PPP2R2B: variants seen among roughly 807,000 people sequenced by gnomAD.
PPP2R2B encodes protein phosphatase 2 regulatory subunit Bbeta.
Under a neutral mutation model 46.0 loss-of-function variants are expected in PPP2R2B, and 5 were observed. The ratio of observed to expected loss-of-function variants is 0.11; its 90% CI spans 0.06 to 0.23. PPP2R2B has a LOEUF of 0.23. Ranked by LOEUF, PPP2R2B falls within the 10% of genes least tolerant of loss-of-function variation. The pLI, the probability that PPP2R2B is intolerant of heterozygous loss-of-function variation, is 1.00. For missense variants in PPP2R2B, 367 were observed against 575.0 expected (o/e 0.64, Z 3.70); for synonymous variants, 215 against 206.7 (o/e 1.04, Z -0.34).
chr5:146,987,237 T>G (rs1753473055), intron 1 of PPP2R2B, among the ~76,000 whole-genome samples: 1 of 152,222 alleles, frequency 6.6e-6, no homozygotes, highest in South Asian at 2.1e-4. Flanking sequence ...CAGACCTGAC[T>G]TATAATAAAT....
chr5:147,063,702 G>C (rs1580874824), intron 2 of PPP2R2B, among the ~76,000 whole-genome samples: 1 of 152,236 alleles, frequency 6.6e-6, no homozygotes, highest in Admixed American at 6.5e-5. Context: ...TATTTTAAAA[G>C]GATTGCTGTG....
chr5:146,965,049 A>T (rs1752342171), intron 1 of PPP2R2B, among the ~76,000 whole-genome samples: 2 of 152,094 alleles, frequency 1.3e-5, no homozygotes, highest in Admixed American at 6.6e-5. Context: ...TACACACCAG[A>T]ACATCATGAC....
chr5:146,702,290 A>G (rs1277566968), intron 2 of PPP2R2B, among the ~76,000 whole-genome samples: 1 of 152,202 alleles, frequency 6.6e-6, no homozygotes, highest in Non-Finnish European at 1.5e-5. Context: ...CACTTCACAT[A>G]TAACTGTTCT....
At position 146,588,024 on chromosome 5, in the gene PPP2R2B, T is replaced by G. The variant is rs1770255017; in HGVS notation, c.*1923A>C. ...AACCCAGTGGCCTTCTGCAAAATCA[T>G]CACTCTCTATGACTGGCAGAAGTTT... On this transcript the variant is annotated 3_prime_UTR_variant, in exon 10 of 10. Transcript: ENST00000394411. 1 of 152,176 alleles carries G rather than the reference T, an allele frequency of 6.6e-6. No individual in the cohort carries two copies. The highest frequency in any genetic ancestry group is 2.4e-5 in the African/African-American group (1 of 41,448). 9.4% of individuals were successfully genotyped at this position (152,176 alleles called of 1,614,324 possible).
intron 2 of PPP2R2B, among the ~76,000 whole-genome samples, chr5:146,735,429 T>C (rs1752479120): frequency 6.6e-6 from 1 of 151,330 alleles, no homozygotes; most frequent in Non-Finnish European, 1.5e-5. Flanking sequence ...ACTGACCAGA[T>C]ATGAGTCCAA....
intron 1 of PPP2R2B, among the ~76,000 whole-genome samples, chr5:146,887,559 G>A (rs961094038): frequency 6.6e-6 from 1 of 152,034 alleles, no homozygotes; most frequent in Non-Finnish European, 1.5e-5. Flanking sequence ...CCTAAAACTA[G>A]TAAGCTGAAT....
chr5:147,053,834 G>A (rs1756946499), intron 1 of PPP2R2B, among the ~76,000 whole-genome samples: 1 of 152,172 alleles, frequency 6.6e-6, no homozygotes, highest in South Asian at 2.1e-4. Flanking sequence ...ATAAAACTGG[G>A]CATAGAGCAA....
intron 1 of PPP2R2B, among the ~76,000 whole-genome samples, chr5:146,906,583 A>T (rs1763006085): frequency 6.6e-6 from 1 of 152,172 alleles, no homozygotes; most frequent in Non-Finnish European, 1.5e-5. Context: ...CGGCCTCCCA[A>T]AGTGCTGGGA....
At chr5:146,619,619 A>G (rs74705683) in intron 7 of PPP2R2B, among the ~76,000 whole-genome samples, 3,188 of 152,332 alleles carry the variant, frequency 0.021, 50 homozygotes, top group Admixed American at 0.064. Flanking sequence ...GTTAGCAACT[A>G]ACTAAAGAAA....
chr5:146,670,780 C>A (rs933457329), intron 5 of PPP2R2B, among the ~76,000 whole-genome samples: 2 of 152,070 alleles, frequency 1.3e-5, no homozygotes, highest in African/African-American at 4.8e-5. Flanking sequence ...TAGGCATGAG[C>A]CACTGCACCC....
At chr5:146,824,380 G>T (rs1194924811) in intron 2 of PPP2R2B, among the ~76,000 whole-genome samples, 16 of 152,112 alleles carry the variant, frequency 1.1e-4, no homozygotes, top group Non-Finnish European at 2.2e-4. Context: ...GGCCAATAAG[G>T]GCAGATACTG....
chr5:146,808,483 A>G (rs1293441520), intron 2 of PPP2R2B, among the ~76,000 whole-genome samples: 3 of 152,190 alleles, frequency 2.0e-5, no homozygotes, highest in Non-Finnish European at 4.4e-5. Flanking sequence ...ACATTTAGAA[A>G]AGATACCTCA....
chr5:146,870,923 A>T (rs777154883), intron 2 of PPP2R2B, among the ~76,000 whole-genome samples: 4 of 152,264 alleles, frequency 2.6e-5, no homozygotes, highest in Non-Finnish European at 4.4e-5. Flanking sequence ...AAAGAAAGCT[A>T]TGAACATTAA....
At chr5:146,655,268 A>G (rs1776248610) in intron 5 of PPP2R2B, among the ~76,000 whole-genome samples, 1 of 152,206 alleles carries the variant, frequency 6.6e-6, no homozygotes, top group South Asian at 2.1e-4. Context: ...GCCCCAAAAG[A>G]GCAGCCTGAA....
intron 2 of PPP2R2B, among the ~76,000 whole-genome samples, chr5:146,818,749 T>C (rs1215887681): frequency 6.6e-6 from 1 of 152,212 alleles, no homozygotes; most frequent in Non-Finnish European, 1.5e-5. Context: ...GGATTTGACA[T>C]TAACAGGTTA....
intron 2 of PPP2R2B, among the ~76,000 whole-genome samples, chr5:146,705,461 A>T (rs908389538): frequency 3.3e-5 from 5 of 151,774 alleles, no homozygotes; most frequent in African/African-American, 9.7e-5. Flanking sequence ...GTGGTGGGGG[A>T]GGTAGGATGT....
At chr5:146,882,932 C>T (rs1439462092), upstream of PPP2R2B, among the ~76,000 whole-genome samples, 5 of 152,174 alleles carry the variant, frequency 3.3e-5, no homozygotes, top group South Asian at 2.1e-4. Context: ...TGGATACATT[C>T]GTTTTTTTAA....
chr5:146,792,843 T>G (rs1468622172), intron 2 of PPP2R2B, among the ~76,000 whole-genome samples: 1 of 152,070 alleles, frequency 6.6e-6, no homozygotes, highest in Non-Finnish European at 1.5e-5. Flanking sequence ...GAAGGACAGA[T>G]GATGTAGGGT....
intron 2 of PPP2R2B, among the ~76,000 whole-genome samples, chr5:146,777,785 A>G (rs551410106): frequency 6.6e-6 from 1 of 152,332 alleles, no homozygotes; most frequent in East Asian, 1.9e-4. Context: ...GAACTTAAAC[A>G]TATTTTTGGC....
Sources: gnomAD v4.1 joint callset for allele counts (sites outside exome capture counted in the v4.1 genomes callset) on GRCh38, gnomAD v4.1.1 for gene constraint, MANE v1.5 for transcripts, NCBI Gene and HGNC (gene_info 2026-07-23, HGNC 2026-07-21) for gene names.